Variants in BRSK2 observed in about 807,000 individuals in gnomAD.
BRSK2 encodes BR serine/threonine kinase 2, also known as serine/threonine-protein kinase BRSK2.
BRSK2 carries 19 observed loss-of-function variants against 83.3 expected under a neutral mutation model. The ratio of observed to expected loss-of-function variants is 0.23; its 90% CI spans 0.16 to 0.33. The LOEUF is 0.33. Ranked by LOEUF, BRSK2 falls within the 10% of genes least tolerant of loss-of-function variation. The probability of loss-of-function intolerance (pLI) is 1.00; values close to 1 mark genes in which losing one functional copy is unlikely to be tolerated. For synonymous variants in BRSK2, 519 were observed against 435.4 expected (o/e 1.19, Z -2.39); for missense variants, 798 against 1,042.3 (o/e 0.77, Z 3.23).
chr11:1,408,971 T>G (rs937457305), intron 1 of BRSK2, among the ~76,000 whole-genome samples: 4 of 116,914 alleles, frequency 3.4e-5, no homozygotes, highest in Admixed American at 1.6e-4. Context: ...TGTGCAGGTG[T>G]GTGTGTGTGT....
chr11:1,412,929 C>G (rs1347816034), intron 1 of BRSK2, among the ~76,000 whole-genome samples: 2 of 152,158 alleles, frequency 1.3e-5, no homozygotes, highest in African/African-American at 2.4e-5. Flanking sequence ...CCGCCCATGG[C>G]CTCCCACCGT....
chr11:1,448,779 G>C (rs570631271), intron 12 of BRSK2, among the ~76,000 whole-genome samples: 1 of 152,370 alleles, frequency 6.6e-6, no homozygotes, highest in South Asian at 2.1e-4. Flanking sequence ...CCCCTTGGCT[G>C]TGTCTGGTGA....
intron 18 of BRSK2, among the ~76,000 whole-genome samples, chr11:1,458,336 A>C (rs1480754938): frequency 6.6e-6 from 1 of 151,550 alleles, no homozygotes; most frequent in Non-Finnish European, 1.5e-5. Context: ...CCGGACCCTG[A>C]CCTCAGTGGA....
intron 1 of BRSK2, among the ~76,000 whole-genome samples, chr11:1,433,509 G>C (rs1033288890): frequency 6.6e-6 from 1 of 152,228 alleles, no homozygotes; most frequent in African/African-American, 2.4e-5. Flanking sequence ...CATGCCCTTC[G>C]GACCAGAGGC....
chr11:1,452,475 G>T (rs540221697), intron 15 of BRSK2, among the ~76,000 whole-genome samples: 2 of 152,332 alleles, frequency 1.3e-5, no homozygotes, highest in African/African-American at 4.8e-5. Context: ...CCTCAGAGAA[G>T]GTGGAAAACA....
rs1459991996 is a variant in BRSK2 at position 1,461,527 on chromosome 11, C to T, written c.*804C>T. On this transcript the variant is annotated 3_prime_UTR_variant, in exon 20 of 20. Coordinates refer to ENST00000528841, the MANE Select transcript of BRSK2 (RefSeq NM_001256627.2). ...CTTCCCAGCAGGCCAGGCCGCTGGG[C>T]TGGGATCAGTGTTATTTATTTGCCG... is the stretch of plus-strand genomic sequence containing the variant. 1.6e-5 allele frequency: 3 copies of T among 183,796 alleles called. No individual in the cohort carries two copies. Among genetic ancestry groups the T allele is most frequent in the Non-Finnish European group, 3.3e-5 (3 of 90,458 alleles). The allele number at this position is 183,796 out of a possible 1,614,324, so 11.4% of individuals were successfully genotyped here. A position where few individuals can be genotyped will look rare whatever the true frequency, so the allele number is the denominator to read the frequency against.
At chr11:1,414,630 A>G (rs758816440) in intron 1 of BRSK2, among the ~76,000 whole-genome samples, 2 of 152,212 alleles carry the variant, frequency 1.3e-5, no homozygotes, top group Non-Finnish European at 2.9e-5. Context: ...TTCACATAAT[A>G]TAAAATTAAC....
chr11:1,411,042 A>G, intron 1 of BRSK2: 1 of 1,060,768 alleles, frequency 9.4e-7, no homozygotes, highest in South Asian at 4.6e-5. Flanking sequence ...TCCCATCACC[A>G]TGGCAACAGA....
intron 12 of BRSK2, 46 bp downstream of exon 12, chr11:1,445,953 C>G (rs1174643264): frequency 1.3e-6 from 2 of 1,550,304 alleles, no homozygotes; most frequent in African/African-American, 1.4e-5. Flanking sequence ...TGGGCCCTGG[C>G]TGCGCGGCAC....
chr11:1,442,373 C>T, intron 4 of BRSK2, 117 bp from the exon 5 acceptor site: 1 of 716,262 alleles, frequency 1.4e-6, no homozygotes, highest in Non-Finnish European at 2.5e-6. Flanking sequence ...CTGCTATTGG[C>T]CCTTATGTGT....
intron 1 of BRSK2, among the ~76,000 whole-genome samples, chr11:1,419,517 G>A (rs1415160665): frequency 1.3e-5 from 2 of 152,176 alleles, no homozygotes; most frequent in Non-Finnish European, 2.9e-5. Flanking sequence ...TCATGTCTTA[G>A]AGCTTTTTTT....
In BRSK2 at chr11:1,451,074, G is replaced by A. The variant is rs990222098; in HGVS notation, c.1495+280G>A. On this transcript the variant is annotated intron_variant, in intron 14 of 19. Coordinates refer to ENST00000528841, the MANE Select transcript of BRSK2 (RefSeq NM_001256627.2). ...GCAAGGAGAGCTGGCCACCGAGGGG[G>A]CACTGCCAGTCAGGAGGCCCCATGT... Among the ~76,000 whole-genome samples the A allele has an allele frequency of 5.9e-5, 9 of 152,346 alleles. No homozygotes were observed. The East Asian group carries it at 9.6e-4, about 16-fold the overall frequency.
chr11:1,417,865 G>A (rs1260867357), intron 1 of BRSK2, among the ~76,000 whole-genome samples: 4 of 146,726 alleles, frequency 2.7e-5, no homozygotes, highest in African/African-American at 1.0e-4. Flanking sequence ...GGTCACCTGT[G>A]TCCTGCTTCT....
At chr11:1,451,145 G>A (rs370708460) in intron 14 of BRSK2, among the ~76,000 whole-genome samples, 76 of 152,356 alleles carry the variant, frequency 5.0e-4, no homozygotes, top group Middle Eastern at 6.8e-3. Flanking sequence ...AGGCACAGCC[G>A]ACTTCAGCAC....
At chr11:1,415,472 A>G (rs1848007184) in intron 1 of BRSK2, among the ~76,000 whole-genome samples, 1 of 152,058 alleles carries the variant, frequency 6.6e-6, no homozygotes, top group South Asian at 2.1e-4. Flanking sequence ...GCTGGAGTGC[A>G]GCGATTTGAT....
At chr11:1,460,355 C>T in intron 19 of BRSK2, 145 bp from the exon 20 acceptor site, 1 of 974,078 alleles carries the variant, frequency 1.0e-6, no homozygotes, top group Non-Finnish European at 1.4e-6. Flanking sequence ...AGCCTCATCT[C>T]TGGGTTCTTT....
intron 1 of BRSK2, among the ~76,000 whole-genome samples, chr11:1,398,688 G>T (rs116155237): frequency 1.8e-3 from 269 of 152,308 alleles, no homozygotes; most frequent in African/African-American, 6.4e-3. Context: ...ACAGGAGGCG[G>T]TGGCCCCAGT....
rs889882794 is a variant in BRSK2 at position 1,423,514 on chromosome 11, C to T, written c.92-12526C>T. ...CATGATGAAGGATGCGGCCCACAGT[C>T]GTGTGAGCAGAGGACGGCACTCGCG... On this transcript the variant is annotated intron_variant, in intron 1 of 19. Coordinates refer to ENST00000528841, the MANE Select transcript of BRSK2 (RefSeq NM_001256627.2). The surrounding 1 kb of genome is among the most constrained non-coding windows in gnomAD (Gnocchi z 6.5). Among the ~76,000 whole-genome samples, 5 of 152,066 alleles carry T rather than the reference C, an allele frequency of 3.3e-5. No homozygotes were observed. Among genetic ancestry groups the T allele is most frequent in the African/African-American group, 9.7e-5 (4 of 41,386 alleles).
At chr11:1,449,692 G>T in intron 12 of BRSK2, 84 bp from the exon 13 acceptor site, 1 of 1,263,472 alleles carries the variant, frequency 7.9e-7, no homozygotes. Flanking sequence ...CTCCTGGAGG[G>T]TTTACCTGGG....
Sources: gnomAD v4.1 joint callset for allele counts (sites outside exome capture counted in the v4.1 genomes callset) on GRCh38, gnomAD v4.1.1 for gene constraint, Gnocchi (gnomAD v3.1) non-coding constraint, MANE v1.5 for transcripts, NCBI Gene and HGNC (gene_info 2026-07-23, HGNC 2026-07-21) for gene names.